DMD: variants seen among roughly 807,000 people sequenced by gnomAD.
The protein encoded by DMD is mutant dystrophin.
Under a neutral mutation model 330.1 loss-of-function variants are expected in DMD, and 63 were observed. The ratio of observed to expected loss-of-function variants is 0.19; its 90% CI spans 0.16 to 0.24. The LOEUF (loss-of-function observed/expected upper bound fraction) is 0.24, where lower values mean the gene tolerates loss of function less well. Among genes scored for constraint, DMD ranks in the 10% least tolerant of loss-of-function variants. DMD has a pLI of 1.00. For missense variants in DMD, 3,344 were observed against 2,684.1 expected (o/e 1.25, Z -5.43); for synonymous variants, 1,223 against 959.8 (o/e 1.27, Z -5.07).
chrX:32,939,124 C>T (rs2090215332), intron 2 of DMD, among the ~76,000 whole-genome samples: 1 of 108,665 alleles, frequency 9.2e-6, no homozygotes, highest in African/African-American at 3.3e-5. Context: ...TTGGGAAATA[C>T]CCTGTCACTT....
At chrX:32,398,945 A>G (rs1447495076) in intron 30 of DMD, among the ~76,000 whole-genome samples, 1 of 111,779 alleles carries the variant, frequency 8.9e-6, no homozygotes, top group Non-Finnish European at 1.9e-5. Context: ...CCATACATCT[A>G]CAGGGACCTA....
At chrX:31,508,701 T>C (rs1370573259) in intron 55 of DMD, among the ~76,000 whole-genome samples, 3 of 111,910 alleles carry the variant, frequency 2.7e-5, no homozygotes, top group African/African-American at 9.7e-5. Flanking sequence ...TCTTAGAGAT[T>C]TGTATGCTTC....
intron 54 of DMD, among the ~76,000 whole-genome samples, chrX:31,638,147 TAGAC>T (rs765500807): frequency 2.2e-4 from 25 of 112,076 alleles, no homozygotes; most frequent in African/African-American, 6.5e-4. Flanking sequence ...ATTAAAGAAA[TAGAC>T]AGCATACAAA....
At chrX:33,257,506 T>C (rs749176136) in intron 1 of DMD, among the ~76,000 whole-genome samples, 4 of 111,429 alleles carry the variant, frequency 3.6e-5, no homozygotes, top group Non-Finnish European at 5.7e-5. Flanking sequence ...AATTCATCCT[T>C]ACTTGTCCAG....
At chrX:32,989,954 C>A (rs772952227) in intron 2 of DMD, among the ~76,000 whole-genome samples, 1 of 111,350 alleles carries the variant, frequency 9.0e-6, no homozygotes, top group South Asian at 3.8e-4. Flanking sequence ...TGTTCCTTAG[C>A]CTAAAGGTTT....
rs187388556 is a variant in DMD, at chrX:33,118,404, C to G, written c.31+92878G>C. ...GGATTACAGGCGTGAGCCACCGCGC[C>G]CGGCCAAGACTCTTGCTTGAGTAAT... On this transcript the variant is annotated intron_variant, in intron 1 of 78. Coordinates refer to ENST00000357033, the MANE Select transcript of DMD (RefSeq NM_004006.3). Among the ~76,000 whole-genome samples, 844 of 111,544 alleles carry G rather than the reference C, an allele frequency of 7.6e-3. 6 individuals are homozygous for G. The highest frequency in any genetic ancestry group is 0.011 in the Non-Finnish European group (601 of 53,122).
intron 48 of DMD, among the ~76,000 whole-genome samples, chrX:31,846,679 G>A (rs912585678): frequency 3.3e-4 from 37 of 111,349 alleles, no homozygotes; most frequent in African/African-American, 1.1e-3. Context: ...AACAGAAATA[G>A]TCAAAAATTT....
intron 16 of DMD, among the ~76,000 whole-genome samples, chrX:32,564,528 T>G (rs971019946): frequency 1.3e-4 from 15 of 112,123 alleles, no homozygotes; most frequent in Non-Finnish European, 2.6e-4. Context: ...AATATAGTAC[T>G]AAAACTACTA....
chrX:33,216,278 AATC>A (rs759791646), upstream of DMD, among the ~76,000 whole-genome samples: 1 of 111,795 alleles, frequency 8.9e-6, no homozygotes, highest in East Asian at 2.8e-4. Context: ...AAAAGAATGA[AATC>A]ATGTACTTTG....
chrX:33,014,069 A>G (rs1442233493), intron 2 of DMD, among the ~76,000 whole-genome samples: 2 of 112,087 alleles, frequency 1.8e-5, no homozygotes, highest in African/African-American at 6.5e-5. Flanking sequence ...TATTGTCCCA[A>G]CTGAACAGGC....
chrX:31,481,620 G>A (rs1053213548), intron 57 of DMD, among the ~76,000 whole-genome samples: 1 of 111,846 alleles, frequency 8.9e-6, no homozygotes, highest in African/African-American at 3.2e-5. Flanking sequence ...TTTCCTGGAT[G>A]TCTCAGTTCA....
At chrX:32,942,697 C>T (rs1429422489) in intron 2 of DMD, among the ~76,000 whole-genome samples, 3 of 111,949 alleles carry the variant, frequency 2.7e-5, no homozygotes, top group African/African-American at 9.7e-5. Flanking sequence ...ATTTATGGTG[C>T]TATAATAATA....
chrX:32,576,022 G>T (rs905352973), intron 13 of DMD, among the ~76,000 whole-genome samples: 2 of 111,821 alleles, frequency 1.8e-5, no homozygotes, highest in Non-Finnish European at 3.8e-5. Context: ...TCCAAATAAA[G>T]ATCCCCTATT....
At chrX:32,498,381 T>C (rs1211569748) in intron 19 of DMD, among the ~76,000 whole-genome samples, 1 of 111,399 alleles carries the variant, frequency 9.0e-6, no homozygotes, top group Non-Finnish European at 1.9e-5. Flanking sequence ...TTAAAAATTA[T>C]ACCAAAATTT....
intron 55 of DMD, among the ~76,000 whole-genome samples, chrX:31,562,850 C>T (rs2075271060): frequency 9.0e-6 from 1 of 111,332 alleles, no homozygotes; most frequent in Non-Finnish European, 1.9e-5. Context: ...AAAACGTCTT[C>T]CTCATTCCAA....
At chrX:31,736,316 G>A (rs1317941386) in intron 51 of DMD, among the ~76,000 whole-genome samples, 2 of 111,564 alleles carry the variant, frequency 1.8e-5, no homozygotes, top group Non-Finnish European at 3.8e-5. Context: ...GTTCCAAGGT[G>A]GGACTGTCAT....
At chrX:32,364,463 A>C in intron 36 of DMD, 119 bp downstream of exon 36, 1 of 844,213 alleles carries the variant, frequency 1.2e-6, no homozygotes, top group Non-Finnish European at 1.7e-6. Flanking sequence ...GGAAAGATAA[A>C]GGAAGGAAGA....
At position 31,130,404 on chromosome X, in the gene DMD, TTAGAGA is replaced by T. The variant is rs202166213; in HGVS notation, c.11014+3692_11014+3697del. Among the ~76,000 whole-genome samples the T allele has an allele frequency of 4.5e-4, 50 of 111,966 alleles. No homozygotes were observed. In the East Asian group the frequency reaches 0.014, roughly 31 times the overall value. ...ACACATATACTTACAAAGGAAGAGA[TTAGAGA>T]TAGACAGATTAGATAGAAATTGGCT... On this transcript the variant is annotated intron_variant, in intron 77 of 78. Coordinates refer to ENST00000357033, the MANE Select transcript of DMD (RefSeq NM_004006.3).
intron 1 of DMD, among the ~76,000 whole-genome samples, chrX:33,293,035 CCTTTT>C (rs986499358): frequency 2.7e-5 from 3 of 111,516 alleles, no homozygotes; most frequent in African/African-American, 9.7e-5. Context: ...AGTGGCCTTC[CCTTTT>C]CTTTGAATTG....
Sources: allele counts gnomAD v4.1 joint callset (sites outside exome capture counted in the v4.1 genomes callset), GRCh38; gene constraint gnomAD v4.1.1; transcripts MANE v1.5; gene names NCBI Gene and HGNC (gene_info 2026-07-23, HGNC 2026-07-21).